The following ROBO2 variants were observed in gnomAD, a reference collection of about 807,000 sequenced individuals.
The protein encoded by ROBO2 is roundabout guidance receptor 2.
In ROBO2, 53 loss-of-function variants were observed where a neutral mutation model predicts 160.8. The observed-to-expected ratio is 0.33, with a 90% confidence interval of 0.26 to 0.41. The LOEUF is 0.41. Among genes scored for constraint, ROBO2 ranks in the 10% least tolerant of loss-of-function variants. The pLI, the probability that ROBO2 is intolerant of heterozygous loss-of-function variation, is 1.00. For missense variants in ROBO2, 1,577 were observed against 1,722.4 expected, an observed-to-expected ratio of 0.92 and a Z score of 1.49; for synonymous variants, 664 against 611.7, an observed-to-expected ratio of 1.09 and a Z score of -1.26.
intron 2 of ROBO2, among the ~76,000 whole-genome samples, chr3:76,128,338 C>T (rs1028913388): frequency 8.5e-5 from 13 of 152,054 alleles, no homozygotes; most frequent in Middle Eastern, 3.4e-3. Flanking sequence ...GTTTCTCTTA[C>T]GAAAAAGAGG....
intron 2 of ROBO2, among the ~76,000 whole-genome samples, chr3:76,194,350 G>GTGTA (rs759087780): frequency 5.2e-4 from 22 of 42,058 alleles, no homozygotes; most frequent in East Asian, 9.3e-4. Context: ...TGTATGGTGT[G>GTGTA]TAAATATATA....
intron 2 of ROBO2, among the ~76,000 whole-genome samples, chr3:76,641,268 C>T (rs978497968): frequency 7.9e-5 from 12 of 152,122 alleles, no homozygotes; most frequent in Non-Finnish European, 1.8e-4. Context: ...ATCACCCTAG[C>T]CATGCAATCA....
At chr3:77,366,333 TC>T (rs372626038) in intron 2 of ROBO2, among the ~76,000 whole-genome samples, 1 of 152,000 alleles carries the variant, frequency 6.6e-6, no homozygotes, top group Non-Finnish European at 1.5e-5. Context: ...GGTGGGACTT[TC>T]GGGAAATGAT....
At chr3:76,373,614 T>G (rs1453165782) in intron 2 of ROBO2, among the ~76,000 whole-genome samples, 1 of 151,994 alleles carries the variant, frequency 6.6e-6, no homozygotes, top group Non-Finnish European at 1.5e-5. Context: ...ACTTGTTCAC[T>G]TCTGTATTTC....
intron 2 of ROBO2, among the ~76,000 whole-genome samples, chr3:77,274,087 T>A (rs2153359325): frequency 6.6e-6 from 1 of 152,292 alleles, no homozygotes; most frequent in South Asian, 2.1e-4. Context: ...TAGCTGACTT[T>A]ACCTGTAGTT....
At chr3:77,609,655 T>C (rs966832104) in intron 21 of ROBO2, among the ~76,000 whole-genome samples, 1 of 151,846 alleles carries the variant, frequency 6.6e-6, no homozygotes, top group African/African-American at 2.4e-5. Flanking sequence ...TTTATTTTAT[T>C]ATCTTGCAGT....
intron 2 of ROBO2, among the ~76,000 whole-genome samples, chr3:76,447,358 G>A (rs1447913655): frequency 2.0e-5 from 3 of 151,744 alleles, no homozygotes; most frequent in Non-Finnish European, 4.4e-5. Context: ...TCTCACACCC[G>A]TTAGAATGGC....
chr3:76,622,673 A>G (rs1158797865), intron 2 of ROBO2, among the ~76,000 whole-genome samples: 1 of 152,110 alleles, frequency 6.6e-6, no homozygotes, highest in Non-Finnish European at 1.5e-5. Context: ...GTCATTGACC[A>G]CCAGGATCTC....
chr3:77,134,958 G>A (rs779645949), intron 2 of ROBO2, among the ~76,000 whole-genome samples: 4 of 152,148 alleles, frequency 2.6e-5, no homozygotes, highest in South Asian at 2.1e-4. Context: ...CCCACCCCCC[G>A]TTTGCTGCCA....
intron 2 of ROBO2, among the ~76,000 whole-genome samples, chr3:77,140,674 A>G (rs1341412150): frequency 6.6e-6 from 1 of 151,990 alleles, no homozygotes; most frequent in Admixed American, 6.6e-5. Flanking sequence ...TACCTTCAAT[A>G]CTCCCAACAC....
At chr3:76,037,182 A>G (rs923540056) in intron 2 of ROBO2, among the ~76,000 whole-genome samples, 2 of 151,936 alleles carry the variant, frequency 1.3e-5, no homozygotes, top group African/African-American at 2.4e-5. Flanking sequence ...ATCCTGATAC[A>G]TATTCCTATG....
chr3:76,844,514 T>G lies in ROBO2; in HGVS notation c.110-253500T>G, dbSNP rs555358420. Among the ~76,000 whole-genome samples the G allele has an allele frequency of 4.6e-5, 7 of 152,122 alleles. No homozygotes were observed. In the South Asian group the frequency reaches 1.2e-3, roughly 27 times the overall value. On this transcript the variant is annotated intron_variant, in intron 2 of 26. Coordinates refer to the ROBO2 transcript ENST00000487694. ...TATTTCAAAAAAAATGCTTAAATTA[T>G]CTATTGTAACATTGTGTACTTGAGC...
At chr3:76,440,702 T>G (rs1577204449) in intron 2 of ROBO2, among the ~76,000 whole-genome samples, 1 of 152,128 alleles carries the variant, frequency 6.6e-6, no homozygotes, top group African/African-American at 2.4e-5. Context: ...GCTCCTGGAA[T>G]CACTAACCCT....
intron 2 of ROBO2, among the ~76,000 whole-genome samples, chr3:77,116,345 A>G (rs1224432789): frequency 2.0e-5 from 3 of 152,166 alleles, no homozygotes; most frequent in African/African-American, 7.2e-5. Context: ...TGGGCTTGTC[A>G]TGTAACTGTT....
At chr3:76,164,216 G>T (rs2106941564) in intron 2 of ROBO2, among the ~76,000 whole-genome samples, 1 of 152,162 alleles carries the variant, frequency 6.6e-6, no homozygotes, top group Admixed American at 6.6e-5. Flanking sequence ...ACATCTTCAG[G>T]CTTCACTTCT....
intron 2 of ROBO2, among the ~76,000 whole-genome samples, chr3:76,494,376 G>T (rs377603402): frequency 2.0e-5 from 3 of 152,068 alleles, no homozygotes; most frequent in African/African-American, 7.2e-5. Context: ...GTCTTCAAAA[G>T]AAATGAAGAT....
chr3:76,800,507 C>A (rs1421607056), intron 2 of ROBO2, among the ~76,000 whole-genome samples: 1 of 151,986 alleles, frequency 6.6e-6, no homozygotes, highest in Non-Finnish European at 1.5e-5. Context: ...ATATAAGGAG[C>A]TCAAAAAGCT....
rs540954906 is a variant in ROBO2, at chr3:77,346,907, G to T, written c.389-130507G>T. Among the ~76,000 whole-genome samples the T allele has an allele frequency of 5.3e-4, 81 of 152,260 alleles. No homozygotes were observed. The Middle Eastern group carries it at 0.01, about 19-fold the overall frequency. On this transcript the variant is annotated intron_variant, in intron 2 of 25. Transcript: ENST00000461745. ...AGTTTCTCTCTTCTTAAGGGCCCAT[G>T]TTATTAGATTGGGCCTACCTGTATA...
At chr3:76,666,060 A>C (rs1349851447) in intron 2 of ROBO2, among the ~76,000 whole-genome samples, 1 of 145,582 alleles carries the variant, frequency 6.9e-6, no homozygotes, top group Non-Finnish European at 1.5e-5. Flanking sequence ...TATGCCTCTA[A>C]ATATGTTCTC....
Sources: gnomAD v4.1 joint callset for allele counts (sites outside exome capture counted in the v4.1 genomes callset) on GRCh38, gnomAD v4.1.1 for gene constraint, MANE v1.5 for transcripts, NCBI Gene and HGNC (gene_info 2026-07-23, HGNC 2026-07-21) for gene names.